SUPT5H: variants seen among roughly 807,000 people sequenced by gnomAD.
SUPT5H encodes the protein transcription elongation factor SPT5.
Under a neutral mutation model 142.5 loss-of-function variants are expected in SUPT5H, and 24 were observed. The observed-to-expected ratio is 0.17, with a 90% CI of 0.12 to 0.24. The LOEUF (loss-of-function observed/expected upper bound fraction) is 0.24. Ranked by LOEUF, SUPT5H falls within the 10% of genes least tolerant of loss-of-function variation. SUPT5H has a pLI of 1.00. For missense variants in SUPT5H, 893 were observed against 1,471.8 expected (o/e 0.61, Z 6.43); for synonymous variants, 546 against 553.0 (o/e 0.99, Z 0.18).
intron 3 of SUPT5H, 148 bp from the exon 4 acceptor site, chr19:39,457,527 C>G (rs1372258495): frequency 2.1e-6 from 3 of 1,398,822 alleles, no homozygotes; most frequent in Non-Finnish European, 2.9e-6. Context: ...TGGCACGGCC[C>G]CAGACGAGTG....
rs747291535 is a variant in SUPT5H at position 39,471,646 on chromosome 19, C to T, written c.1866C>T (p.Ala622=). 1 of 1,614,210 alleles carries T rather than the reference C, an allele frequency of 6.2e-7. No individual in the cohort carries two copies. The highest frequency in any genetic ancestry group is 1.1e-5 in the South Asian group (1 of 91,086). ...TTCGCCATCTCTTCCGAAGCTTCGC[C>T]TTCCTACATTGCAAGAAACTGGTGG... The part of the protein sequence containing the change: ...GEIRHLFRSF[A]FLHCKKLVEN... Residue 622 remains alanine, a synonymous_variant, in exon 20 of 30, where the codon GCC becomes GCT. Coordinates refer to ENST00000432763, the MANE Select transcript of SUPT5H (RefSeq NM_001111020.3).
At chr19:39,454,641 C>T (rs10410092) in intron 3 of SUPT5H, among the ~76,000 whole-genome samples, 1,759 of 152,160 alleles carry the variant, frequency 0.012, 48 homozygotes, top group African/African-American at 0.04. Flanking sequence ...TGCCTGGCCG[C>T]ACTTTTTTTA....
rs757536746 is a variant in SUPT5H at position 39,458,927 on chromosome 19, G to A, written c.389+40G>A. 6.2e-5 allele frequency: 100 copies of A among 1,613,814 alleles called. No homozygotes were observed. Among genetic ancestry groups the A allele is most frequent in the Non-Finnish European group, 8.1e-5 (96 of 1,179,820 alleles). On this transcript the variant is annotated intron_variant, in intron 6 of 29. Coordinates refer to ENST00000432763, the MANE Select transcript of SUPT5H (RefSeq NM_001111020.3). The surrounding 1 kb of genome is among the most constrained non-coding windows in gnomAD (Gnocchi z 4.2). ...GAAACGTGGTGGGATTGGCTCCTGT[G>A]GGGAGATTTGGGAGTAGGTCAGCCC...
intron 14 of SUPT5H, 74 bp downstream of exon 14, chr19:39,468,935 G>A (rs982395375): frequency 6.4e-7 from 1 of 1,557,608 alleles, no homozygotes; most frequent in Non-Finnish European, 8.8e-7. Context: ...CTGGGCTGTG[G>A]GTTATCTGGT....
chr19:39,468,568 C>T, intron 13 of SUPT5H, 188 bp from the exon 14 acceptor site: 1 of 599,790 alleles, frequency 1.7e-6, no homozygotes, highest in Non-Finnish European at 3.0e-6. Flanking sequence ...TGGAGGAGTG[C>T]AGGGAGGTGG....
chr19:39,458,055 C>T lies in SUPT5H; in HGVS notation c.308-239C>T. 2.6e-6 allele frequency: 2 copies of T among 755,350 alleles called. No homozygotes were observed. Among genetic ancestry groups the T allele is most frequent in the Non-Finnish European group, 4.2e-6 (2 of 473,290 alleles). The allele number at this position is 755,350 out of a possible 1,614,324, so 46.8% of individuals were successfully genotyped here. The stretch of plus-strand genomic sequence containing the variant: ...ACCCCCCACTTCCTGGGCCAGTGCC[C>T]CCCTTTCCCCGTTATTTTCCGTTCT... On this transcript the variant is annotated intron_variant, in intron 4 of 29. Coordinates refer to ENST00000432763, the MANE Select transcript of SUPT5H (RefSeq NM_001111020.3). This position sits in a 1 kb window ranked among gnomAD's most constrained non-coding sequence, Gnocchi z 4.2.
chr19:39,452,264 G>C (rs796157423), intron 2 of SUPT5H, among the ~76,000 whole-genome samples: 7 of 152,154 alleles, frequency 4.6e-5, no homozygotes, highest in African/African-American at 1.7e-4. Flanking sequence ...TGGAGGTCTT[G>C]AGTTCTGGAA....
rs774202811 is a variant in SUPT5H, at chr19:39,466,335, G to A, written c.877-145G>A. On this transcript the variant is annotated intron_variant, in intron 11 of 29. Coordinates refer to ENST00000432763, the MANE Select transcript of SUPT5H (RefSeq NM_001111020.3). This position sits in a 1 kb window ranked among gnomAD's most constrained non-coding sequence, Gnocchi z 4.3. ...GAGTTGAGGGGACAGACAAGCTAGC[G>A]TGGGACTTTTGGGAGTGGTCAGCAG... The A allele has an allele frequency of 1.1e-5, 8 of 711,118 alleles. No individual in the cohort carries two copies. The highest frequency in any genetic ancestry group is 3.5e-5 in the African/African-American group (2 of 57,458). The allele number at this position is 711,118 out of a possible 1,614,324, so 44.1% of individuals were successfully genotyped here.
intron 14 of SUPT5H, 93 bp from the exon 15 acceptor site, chr19:39,468,983 GAAT>G: frequency 6.4e-7 from 1 of 1,564,342 alleles, no homozygotes; most frequent in Non-Finnish European, 8.8e-7. Context: ...TTCCCTAGGA[GAAT>G]TATTCCCCTA....
Position 39,458,117 on chromosome 19 carries a change from T to C in SUPT5H, c.308-177T>C. ...ACATTTCGGCTTCTCCCCAACCACCTGGTGCCTGGCCTTTACTTTTGGTTT... is the reference window on the plus strand; with the variant it reads ...ACATTTCGGCTTCTCCCCAACCACCCGGTGCCTGGCCTTTACTTTTGGTTT... On this transcript the variant is annotated intron_variant, in intron 4 of 29. Transcript: ENST00000432763. This position sits in a 1 kb window ranked among gnomAD's most constrained non-coding sequence, Gnocchi z 4.2. The C allele has an allele frequency of 2.7e-6, 3 of 1,116,822 alleles. No homozygotes were observed. Among genetic ancestry groups the C allele is most frequent in the Non-Finnish European group, 3.7e-6 (3 of 801,298 alleles). 69.2% of individuals were successfully genotyped at this position (1,116,822 alleles called of 1,614,324 possible).
rs547067896 is a variant in SUPT5H at position 39,457,391 on chromosome 19, T to C, written c.242-284T>C. On this transcript the variant is annotated intron_variant, in intron 3 of 29. Coordinates refer to ENST00000432763, the MANE Select transcript of SUPT5H (RefSeq NM_001111020.3). ...TTTCTGATAGTTGGGAGGGAACTTT[T>C]CTTTTTGCTTACTTTGATCTTAGTT... 2.6e-5 allele frequency among the ~76,000 whole-genome samples: 4 copies of C among 152,342 alleles called. No individual in the cohort carries two copies. The South Asian group carries it at 8.3e-4, about 32-fold the overall frequency.
intron 28 of SUPT5H, chr19:39,475,135 T>C: frequency 5.5e-6 from 1 of 182,832 alleles, no homozygotes; most frequent in Non-Finnish European, 1.1e-5. Flanking sequence ...ATCCCAGCAC[T>C]CTGGGAGGCC....
chr19:39,448,539 C>T (rs539048710), intron 2 of SUPT5H, among the ~76,000 whole-genome samples: 2 of 151,196 alleles, frequency 1.3e-5, no homozygotes, highest in African/African-American at 4.9e-5. Context: ...TCTCACTTCC[C>T]CAACACTACA....
Position 39,466,749 on chromosome 19 carries a change from C to T in SUPT5H, c.1037+4C>T, listed in dbSNP as rs750679521. On this transcript the variant is annotated splice_donor_region_variant and intron_variant, in intron 13 of 29. Transcript: ENST00000432763. The surrounding 1 kb of genome is among the most constrained non-coding windows in gnomAD (Gnocchi z 4.3). ...TGTTTGATGCTGAGAAGATCAGGTG[C>T]GTGTCCTTGGGGACTGGCTGGGCTG... 2.3e-5 allele frequency: 37 copies of T among 1,614,016 alleles called. No homozygotes were observed. The highest frequency in any genetic ancestry group is 1.4e-4 in the South Asian group (13 of 91,092).
Position 39,473,039 on chromosome 19 carries a change from C to T in SUPT5H, c.2183C>T (p.Thr728Ile). ...TACATCGGTGTGGTGAAAGATGCCACAGAGTCCACGGCCCGTGTGGAGCTG... is the reference window on the plus strand; with the variant it reads ...TACATCGGTGTGGTGAAAGATGCCATAGAGTCCACGGCCCGTGTGGAGCTG... ...KGYIGVVKDA[T>I]ESTARVELHS... Residue 728 changes from threonine to isoleucine, a missense_variant, in exon 23 of 30, where the codon ACA becomes ATA. By Grantham distance (89) the Thr-to-Ile change is moderately conservative. This residue lies in a region of SUPT5H where 336 missense variants were observed against 546.5 expected (regional missense o/e 0.61). Coordinates refer to ENST00000432763, the MANE Select transcript of SUPT5H (RefSeq NM_001111020.3). This position sits in a 1 kb window ranked among gnomAD's most constrained non-coding sequence, Gnocchi z 5.8. 1 of 1,613,944 alleles carries T rather than the reference C, an allele frequency of 6.2e-7. No homozygotes were observed.
chr19:39,445,987 G>A, intron 2 of SUPT5H, 22 bp downstream of exon 2: 2 of 1,606,970 alleles, frequency 1.2e-6, no homozygotes, highest in Non-Finnish European at 1.7e-6. Flanking sequence ...GGGCGCTGGG[G>A]GAGACATTGC....
intron 10 of SUPT5H, among the ~76,000 whole-genome samples, chr19:39,460,910 A>T (rs1209606445): frequency 6.6e-6 from 1 of 152,122 alleles, no homozygotes; most frequent in Non-Finnish European, 1.5e-5. Flanking sequence ...CTGTCCAGCC[A>T]CTGGGTGTGA....
In SUPT5H at chr19:39,459,964, A is replaced by T. The variant is rs1378133771; in HGVS notation, c.624+4A>T. 2 of 1,613,988 alleles carry T rather than the reference A, an allele frequency of 1.2e-6. No individual in the cohort carries two copies. Among genetic ancestry groups the T allele is most frequent in the African/African-American group, 2.7e-5 (2 of 74,916 alleles). On this transcript the variant is annotated splice_donor_region_variant and intron_variant, in intron 10 of 29. Transcript: ENST00000432763. ...TGCCTACCAGTTCACAGACACGGTA[A>T]GTCGGGTAGACAGGCGGCTTGGTGG...
At chr19:39,461,185 G>C (rs949098284) in intron 10 of SUPT5H, among the ~76,000 whole-genome samples, 1 of 152,138 alleles carries the variant, frequency 6.6e-6, no homozygotes, top group Non-Finnish European at 1.5e-5. Context: ...AGCTACTTGG[G>C]AGGCTGAGGC....
Sources: allele counts gnomAD v4.1 joint callset (sites outside exome capture counted in the v4.1 genomes callset), GRCh38; gene constraint gnomAD v4.1.1; regional missense constraint gnomAD v4.1.1; non-coding constraint Gnocchi (gnomAD v3.1); transcripts MANE v1.5; gene names NCBI Gene and HGNC (gene_info 2026-07-23, HGNC 2026-07-21).